Variants in PTPN2 observed in about 807,000 individuals in gnomAD.
PTPN2 encodes tyrosine-protein phosphatase non-receptor type 2.
A neutral mutation model predicts 57.3 loss-of-function variants in PTPN2; 19 were observed. The ratio of observed to expected loss-of-function variants is 0.33; its 90% CI spans 0.23 to 0.49. PTPN2 has a LOEUF of 0.49. Among genes scored for constraint, PTPN2 ranks in the 20% least tolerant of loss-of-function variants. The probability of loss-of-function intolerance (pLI) is 0.99; values close to 1 mark genes in which losing one functional copy is unlikely to be tolerated. For missense variants in PTPN2, 358 were observed against 501.1 expected (o/e 0.71, Z 2.73); for synonymous variants, 153 against 164.9 (o/e 0.93, Z 0.55).
chr18:12,834,682 G>A (rs967377471), intron 3 of PTPN2, among the ~76,000 whole-genome samples: 2 of 150,650 alleles, frequency 1.3e-5, no homozygotes, highest in Non-Finnish European at 2.9e-5. Flanking sequence ...TACAAAGGTT[G>A]AAAACCATGG....
chr18:12,874,636 G>A (rs1171840584), intron 1 of PTPN2, among the ~76,000 whole-genome samples: 8 of 141,812 alleles, frequency 5.6e-5, no homozygotes, highest in Non-Finnish European at 1.2e-4. Flanking sequence ...AGGGAGGTGG[G>A]GGGGTCAGCC....
At chr18:12,876,268 C>T in intron 1 of PTPN2, among the ~76,000 whole-genome samples, 1 of 99,256 alleles carries the variant, frequency 1.0e-5, no homozygotes, top group East Asian at 3.9e-4. Flanking sequence ...CAAGACCAGA[C>T]CAGCCTGGCC....
intron 2 of PTPN2, 130 bp from the exon 3 acceptor site, chr18:12,837,021 G>C: frequency 1.6e-6 from 1 of 624,032 alleles, no homozygotes; most frequent in South Asian, 2.1e-5. Flanking sequence ...TAATAGAGTT[G>C]AGACAAATCC....
chr18:12,878,032 A>C (rs1040044595), intron 1 of PTPN2, among the ~76,000 whole-genome samples: 3 of 151,814 alleles, frequency 2.0e-5, no homozygotes, highest in Non-Finnish European at 4.4e-5. Context: ...TGTCTCAAAA[A>C]AAGAAAAAGA....
Position 12,865,420 on chromosome 18 carries a change from G to A in PTPN2, c.70-6166C>T, listed in dbSNP as rs1053620863. ...ACTGCATGCCAGCCTGGACAACAGA[G>A]CAAGACTCTGTCTTTATTAAAAAAA... is the stretch of plus-strand genomic sequence containing the variant. On this transcript the variant is annotated intron_variant, in intron 1 of 8. Transcript: ENST00000309660. 8.3e-4 allele frequency among the ~76,000 whole-genome samples: 124 copies of A among 149,482 alleles called. 1 individual carries two copies. Among genetic ancestry groups the A allele is most frequent in the African/African-American group, 3.0e-3 (121 of 40,150 alleles).
chr18:12,823,293 G>A (rs2042334988), intron 5 of PTPN2, among the ~76,000 whole-genome samples: 1 of 152,106 alleles, frequency 6.6e-6, no homozygotes, highest in African/African-American at 2.4e-5. Context: ...TCACATGATG[G>A]CCTCAACTCC....
At chr18:12,791,305 T>A (rs1168565350), downstream of PTPN2, among the ~76,000 whole-genome samples, 2 of 152,120 alleles carry the variant, frequency 1.3e-5, no homozygotes, top group Non-Finnish European at 2.9e-5. Flanking sequence ...CTCCTGAAAA[T>A]AAAAGAAACA....
At chr18:12,808,080 G>C (rs1053315297) in intron 7 of PTPN2, among the ~76,000 whole-genome samples, 6 of 152,042 alleles carry the variant, frequency 3.9e-5, no homozygotes, top group African/African-American at 1.4e-4. Context: ...TTACTTAAGA[G>C]ACTAGGGCAG....
At chr18:12,845,440 T>C (rs1437685284) in intron 2 of PTPN2, among the ~76,000 whole-genome samples, 2 of 152,312 alleles carry the variant, frequency 1.3e-5, no homozygotes, top group Admixed American at 1.3e-4. Flanking sequence ...TCCATTTTCT[T>C]AGAGCAACTG....
intron 3 of PTPN2, among the ~76,000 whole-genome samples, chr18:12,831,555 T>G (rs1334218694): frequency 1.3e-5 from 2 of 152,158 alleles, no homozygotes; most frequent in African/African-American, 2.4e-5. Context: ...CCAAGGAAAT[T>G]TCTGTCCTCT....
rs576460295 is a variant in PTPN2 at position 12,881,030 on chromosome 18, C to T, written c.69+3043G>A. Among the ~76,000 whole-genome samples, 14 of 152,328 alleles carry T rather than the reference C, an allele frequency of 9.2e-5. No individual in the cohort carries two copies. The East Asian group carries it at 2.7e-3, about 29-fold the overall frequency. The stretch of plus-strand genomic sequence containing the variant: ...CTCCATCCCTCCTGCCACTGCCTAA[C>T]AGAAGCTCATCATGTCTCTTCAGGT... On this transcript the variant is annotated intron_variant, in intron 1 of 8. Transcript: ENST00000309660.
chr18:12,852,104 G>T (rs960979917), intron 2 of PTPN2, among the ~76,000 whole-genome samples: 29 of 151,622 alleles, frequency 1.9e-4, no homozygotes, highest in Admixed American at 1.9e-3. Context: ...AGATGGAAAA[G>T]TTCCAGAAAT....
At chr18:12,882,708 A>T (rs183572424) in intron 1 of PTPN2, among the ~76,000 whole-genome samples, 3 of 152,356 alleles carry the variant, frequency 2.0e-5, no homozygotes, top group Admixed American at 1.3e-4. Context: ...CTATTCTAAC[A>T]TACTCTGTAT....
In PTPN2 at chr18:12,878,339, AAAAAAAAGAAAGAAAAAGG is replaced by A. The variant is rs535879535; in HGVS notation, c.69+5715_69+5733del. On this transcript the variant is annotated intron_variant, in intron 1 of 8. Transcript: ENST00000309660. The stretch of plus-strand genomic sequence containing the variant: ...CTCAAAAAGAAAAGAAAGAAAAAGA[AAAAAAAAGAAAGAAAAAGG>A]AAAAAAAGAAAGAAAAAGAAAAATG... Among the ~76,000 whole-genome samples, 763 of 151,654 alleles carry A rather than the reference AAAAAAAAGAAAGAAAAAGG, an allele frequency of 5.0e-3. 5 individuals are homozygous for A. The highest frequency in any genetic ancestry group is 0.017 in the African/African-American group (686 of 41,322).
At chr18:12,815,211 A>G (rs999901304) in intron 6 of PTPN2, among the ~76,000 whole-genome samples, 1 of 151,962 alleles carries the variant, frequency 6.6e-6, no homozygotes, top group African/African-American at 2.4e-5. Flanking sequence ...CAAGAGATTG[A>G]GACCTTCCTG....
intron 7 of PTPN2, among the ~76,000 whole-genome samples, chr18:12,813,179 A>C (rs1208531985): frequency 6.6e-6 from 1 of 152,116 alleles, no homozygotes; most frequent in Non-Finnish European, 1.5e-5. Context: ...TTCTTTTTGA[A>C]CTCCAGATTT....
At chr18:12,828,930 G>A (rs944919391) in intron 4 of PTPN2, among the ~76,000 whole-genome samples, 2 of 151,952 alleles carry the variant, frequency 1.3e-5, no homozygotes, top group African/African-American at 4.8e-5. Context: ...ACAGGGTCTC[G>A]CTCTGTCCCC....
In PTPN2 at chr18:12,801,870, A is replaced by G. The variant is rs773215602; in HGVS notation, c.1040+100T>C. 57 of 1,154,868 alleles carry G rather than the reference A, an allele frequency of 4.9e-5. No homozygotes were observed. The African/African-American group carries it at 8.9e-4, about 18-fold the overall frequency. 71.5% of individuals were successfully genotyped at this position (1,154,868 alleles called of 1,614,324 possible). On this transcript the variant is annotated intron_variant, in intron 8 of 8. Coordinates refer to ENST00000309660, the MANE Select transcript of PTPN2 (RefSeq NM_002828.4). Reference sequence around the variant, plus strand: ...AGGCGTGATTGTATTTTCCTAATATAAAAATTACATACCTGAAATCCTATG... The same window carrying G: ...AGGCGTGATTGTATTTTCCTAATATGAAAATTACATACCTGAAATCCTATG...
downstream of PTPN2, among the ~76,000 whole-genome samples, chr18:12,790,107 T>C (rs1450128882): frequency 6.8e-6 from 1 of 147,604 alleles, no homozygotes; most frequent in African/African-American, 2.5e-5. Context: ...TAAATTTTTC[T>C]TTTTTTTTTA....
Sources: allele counts gnomAD v4.1 joint callset (sites outside exome capture counted in the v4.1 genomes callset), GRCh38; gene constraint gnomAD v4.1.1; transcripts MANE v1.5; gene names NCBI Gene and HGNC (gene_info 2026-07-23, HGNC 2026-07-21).